FBXO33: variants seen among roughly 807,000 people sequenced by gnomAD.
FBXO33 encodes the protein F-box protein 33.
FBXO33 carries 22 observed loss-of-function variants against 46.3 expected under a neutral mutation model. The ratio of observed to expected loss-of-function variants is 0.48; its 90% confidence interval spans 0.34 to 0.68. The LOEUF is 0.68. Among genes scored for constraint, FBXO33 ranks in the 30% least tolerant of loss-of-function variants. The pLI is 0.01. For missense variants in FBXO33, 692 were observed against 708.8 expected (o/e 0.98, Z 0.27); for synonymous variants, 337 against 291.3 (o/e 1.16, Z -1.60).
At chr14:39,408,286 G>A (rs2075407876) in intron 1 of FBXO33, among the ~76,000 whole-genome samples, 1 of 152,052 alleles carries the variant, frequency 6.6e-6, no homozygotes, top group Non-Finnish European at 1.5e-5. Context: ...GATGTGAGTT[G>A]ATATCTCACT....
At chr14:39,423,129 A>C (rs1436599350) in intron 1 of FBXO33, among the ~76,000 whole-genome samples, 3 of 152,324 alleles carry the variant, frequency 2.0e-5, no homozygotes, top group South Asian at 4.1e-4. Context: ...CTCAAAAAAA[A>C]CAAAAAGCTT....
Position 39,419,205 on chromosome 14 carries a change from C to T in FBXO33, c.599+12359G>A, listed in dbSNP as rs151238930. Reference sequence around the variant, plus strand: ...CCCAGGTGTTTGAATACAATGCTTTCATTCAAGTGATAGGAAAAATTATAA... The same window carrying T: ...CCCAGGTGTTTGAATACAATGCTTTTATTCAAGTGATAGGAAAAATTATAA... On this transcript the variant is annotated intron_variant, in intron 1 of 3. Coordinates refer to ENST00000298097, the MANE Select transcript of FBXO33 (RefSeq NM_203301.4). 1.7e-3 allele frequency among the ~76,000 whole-genome samples: 255 copies of T among 152,310 alleles called. 3 individuals are homozygous for T. Among genetic ancestry groups the T allele is most frequent in the African/African-American group, 5.8e-3 (241 of 41,578 alleles).
rs1304805824 is a variant in FBXO33 at position 39,399,739 on chromosome 14, C to A, written c.1445G>T (p.Gly482Val). 2.5e-6 allele frequency: 4 copies of A among 1,610,864 alleles called. No individual in the cohort carries two copies. The highest frequency in any genetic ancestry group is 3.4e-6 in the Non-Finnish European group (4 of 1,177,472). Residue 482 changes from glycine (G) to valine (V), a missense_variant, in exon 4 of 4, where the codon GGC (glycine) becomes GTC (valine). By Grantham distance (109) the Gly-to-Val change is moderately radical. Transcript: ENST00000298097. Reference sequence around the variant, plus strand: ...GACTTCAAGCACTTTCAGATCAGAGCCCCGAAGACGAGCAATGGCAATGAG... The same window carrying A: ...GACTTCAAGCACTTTCAGATCAGAGACCCGAAGACGAGCAATGGCAATGAG... Reference protein sequence around the residue: ...HNLIAIARLRGSDLKVLEVTE... With the variant: ...HNLIAIARLRVSDLKVLEVTE...
chr14:39,429,450 A>C (rs1426514928), intron 1 of FBXO33, among the ~76,000 whole-genome samples: 2 of 152,256 alleles, frequency 1.3e-5, no homozygotes, highest in African/African-American at 2.4e-5. Context: ...ACTGATAAAC[A>C]ATGTGGTTTA....
chr14:39,402,170 G>A (rs1186119690), intron 2 of FBXO33, among the ~76,000 whole-genome samples: 1 of 152,162 alleles, frequency 6.6e-6, no homozygotes, highest in African/African-American at 2.4e-5. Flanking sequence ...AAGGCAAGTA[G>A]AGGAATAATT....
intron 1 of FBXO33, among the ~76,000 whole-genome samples, chr14:39,418,800 A>AC (rs2075464240): frequency 6.7e-6 from 1 of 148,190 alleles, no homozygotes; most frequent in Admixed American, 6.8e-5. Context: ...CAAAAAAAAA[A>AC]CAAACTGCAT....
Position 39,431,782 on chromosome 14 carries a change from G to C in FBXO33, c.381C>G (p.Phe127Leu). 6.2e-7 allele frequency: 1 copy of C among 1,612,654 alleles called. No homozygotes were observed. Among genetic ancestry groups the C allele is most frequent in the Non-Finnish European group, 8.5e-7 (1 of 1,179,974 alleles). The part of the protein sequence containing the change: ...VSPAEQPRLE[F>L]LMRKCGWFVR... ...CGAACCAGCCGCACTTGCGCATGAGGAATTCCAGCCGAGGCTGCTCCGCGG... is the reference window on the plus strand; with the variant it reads ...CGAACCAGCCGCACTTGCGCATGAGCAATTCCAGCCGAGGCTGCTCCGCGG... The change falls in exon 1 of 4, where the codon TTC becomes TTG. Residue 127 changes from phenylalanine (F) to leucine (L), a missense_variant. Coordinates refer to ENST00000298097, the MANE Select transcript of FBXO33 (RefSeq NM_203301.4).
In FBXO33 at chr14:39,432,021, GC is replaced by G. The variant is rs1442758232; in HGVS notation, c.141del (p.Arg48GlyfsTer28). ...CGCCGCCGGCTGCCGGCTCCCGGCC[GC>G]CCCCGCAGTACCCGGAGCAGCCCCC... ...RLRGLLRVLR[G>X]RPGAGSRRRG... On this transcript the variant is annotated frameshift_variant, in exon 1 of 4. Transcript: ENST00000298097. LOFTEE classifies it high-confidence loss of function. The G allele has an allele frequency of 5.7e-6, 8 of 1,406,690 alleles. No individual in the cohort carries two copies. Among genetic ancestry groups the G allele is most frequent in the South Asian group, 1.5e-5 (1 of 65,896 alleles). The allele number at this position is 1,406,690 out of a possible 1,614,324, so 87.1% of individuals were successfully genotyped here.
intron 1 of FBXO33, among the ~76,000 whole-genome samples, chr14:39,415,868 T>C (rs1360464306): frequency 2.0e-5 from 3 of 152,216 alleles, no homozygotes; most frequent in African/African-American, 7.2e-5. Flanking sequence ...GGTTTCACCA[T>C]GTTGGTCACA....
At chr14:39,405,026 T>C (rs2075387461) in intron 1 of FBXO33, among the ~76,000 whole-genome samples, 1 of 150,716 alleles carries the variant, frequency 6.6e-6, no homozygotes, top group Non-Finnish European at 1.5e-5. Flanking sequence ...TGTGCTCCTG[T>C]AATTCCAGCT....
At position 39,397,961 on chromosome 14, in the gene FBXO33, T is replaced by C. The variant is rs2075350661; in HGVS notation, c.*1555A>G. On this transcript the variant is annotated 3_prime_UTR_variant, in exon 4 of 4. Transcript: ENST00000298097. ...TGGATTCACACTACTGATGTACATA[T>C]AAAATCCGCATGGTATGTGCTCACT... 6.6e-6 allele frequency: 1 copy of C among 152,636 alleles called. No individual in the cohort carries two copies. Among genetic ancestry groups the C allele is most frequent in the Non-Finnish European group, 1.5e-5 (1 of 68,034 alleles). The allele number at this position is 152,636 out of a possible 1,614,324, so 9.5% of individuals were successfully genotyped here. A position where few individuals can be genotyped will look rare whatever the true frequency, so the allele number is the denominator to read the frequency against.
chr14:39,402,289 C>T (rs555409211), intron 2 of FBXO33, 112 bp downstream of exon 2: 20 of 498,442 alleles, frequency 4.0e-5, no homozygotes, highest in Non-Finnish European at 5.4e-5. Flanking sequence ...TTTCCAGGAC[C>T]TATGTTCCTT....
chr14:39,421,387 T>C (rs969903771), intron 1 of FBXO33, among the ~76,000 whole-genome samples: 1 of 152,000 alleles, frequency 6.6e-6, no homozygotes, highest in African/African-American at 2.4e-5. Flanking sequence ...CACAGGTGAT[T>C]AGACCACTGA....
intron 1 of FBXO33, among the ~76,000 whole-genome samples, chr14:39,426,494 TG>T (rs1268683946): frequency 6.6e-6 from 1 of 152,236 alleles, no homozygotes; most frequent in Admixed American, 6.5e-5. Context: ...ACATTATTCT[TG>T]TCCTTAAAAT....
chr14:39,410,114 G>C (rs2139407533), intron 1 of FBXO33, among the ~76,000 whole-genome samples: 1 of 152,264 alleles, frequency 6.6e-6, no homozygotes, highest in South Asian at 2.1e-4. Context: ...TCTGATCTTA[G>C]AGGAAACGGT....
intron 1 of FBXO33, among the ~76,000 whole-genome samples, chr14:39,422,475 T>C (rs981031370): frequency 6.6e-6 from 1 of 152,208 alleles, no homozygotes; most frequent in Non-Finnish European, 1.5e-5. Flanking sequence ...TCACTGTCTT[T>C]GCTCAAAACT....
rs200322477 is a variant in FBXO33 at position 39,431,707 on chromosome 14, A to G, written c.456T>C (p.Gly152=). Residue 152 remains glycine, a synonymous_variant, in exon 1 of 4, where the codon GGT becomes GGC. Transcript: ENST00000298097. ...EFAAENYLSG[G]GPGDGGGADT... ...CCGCGCCACCTCCGTCCCCTGGGCC[A>G]CCGCCGCTCAGATAGTTCTCGGCGG... The G allele has an allele frequency of 6.2e-7, 1 of 1,612,898 alleles. No individual in the cohort carries two copies. Among genetic ancestry groups the G allele is most frequent in the Non-Finnish European group, 8.5e-7 (1 of 1,179,872 alleles).
chr14:39,423,131 A>G (rs991538171), intron 1 of FBXO33, among the ~76,000 whole-genome samples: 3 of 152,202 alleles, frequency 2.0e-5, no homozygotes, highest in Non-Finnish European at 4.4e-5. Flanking sequence ...CAAAAAAAAC[A>G]AAAAGCTTAA....
rs535071144 is a variant in FBXO33 at position 39,411,532 on chromosome 14, T to A, written c.600-9021A>T. ...TATTATTTGACTTCCCCCCCCTTTT[T>A]TTTTCTTGAGACAAGAGTCTCGCAC... On this transcript the variant is annotated intron_variant, in intron 1 of 3. Coordinates refer to ENST00000298097, the MANE Select transcript of FBXO33 (RefSeq NM_203301.4). 8.7e-4 allele frequency among the ~76,000 whole-genome samples: 132 copies of A among 151,874 alleles called. 2 individuals carry two copies. The highest frequency in any genetic ancestry group is 1.3e-3 in the Non-Finnish European group (87 of 68,000).
Sources: allele counts gnomAD v4.1 joint callset (sites outside exome capture counted in the v4.1 genomes callset), GRCh38; gene constraint gnomAD v4.1.1; transcripts MANE v1.5; gene names NCBI Gene and HGNC (gene_info 2026-07-23, HGNC 2026-07-21).